The following NDUFAF2 variants were observed in gnomAD, a reference collection of about 807,000 sequenced individuals.
NDUFAF2 encodes the protein NADH dehydrogenase [ubiquinone] 1 alpha subcomplex assembly factor 2.
In NDUFAF2, 13 loss-of-function variants were observed where a neutral mutation model predicts 22.8. That is an observed-to-expected ratio of 0.57 (90% CI 0.37 to 0.91). NDUFAF2 has a LOEUF of 0.91. Ranked by LOEUF, NDUFAF2 falls within the 40% of genes least tolerant of loss-of-function variation. NDUFAF2 has a pLI of 0.01. For missense variants in NDUFAF2, 162 were observed against 195.2 expected (o/e 0.83, Z 1.01); for synonymous variants, 53 against 64.2 (o/e 0.83, Z 0.84).
intron 3 of NDUFAF2, among the ~76,000 whole-genome samples, chr5:61,110,906 G>T (rs1319500645): frequency 2.0e-5 from 3 of 151,842 alleles, no homozygotes; most frequent in Non-Finnish European, 4.4e-5. Context: ...AACTTTCATT[G>T]TCAGGTTAGT....
intron 2 of NDUFAF2, among the ~76,000 whole-genome samples, chr5:61,095,476 GC>G (rs1354024869): frequency 6.6e-6 from 1 of 152,216 alleles, no homozygotes; most frequent in Non-Finnish European, 1.5e-5. Context: ...TGGAAGTGGG[GC>G]CTGCGGACCA....
At chr5:60,983,404 A>G (rs1751016303) in intron 1 of NDUFAF2, among the ~76,000 whole-genome samples, 1 of 91,960 alleles carries the variant, frequency 1.1e-5, no homozygotes, top group Admixed American at 1.2e-4. Flanking sequence ...CTTTAGTTTA[A>G]TTAGATCCCA....
chr5:61,124,226 T>C (rs1038669526), intron 3 of NDUFAF2, among the ~76,000 whole-genome samples: 20 of 152,096 alleles, frequency 1.3e-4, no homozygotes, highest in African/African-American at 4.6e-4. Flanking sequence ...ATTCAGCAAA[T>C]ATTTATAAAG....
chr5:61,067,375 G>T (rs1179042523), intron 1 of NDUFAF2, among the ~76,000 whole-genome samples: 1 of 138,238 alleles, frequency 7.2e-6, no homozygotes, highest in African/African-American at 2.8e-5. Flanking sequence ...TGTTTTCATT[G>T]TTCAATTCCC....
At chr5:61,051,462 A>G (rs1247781489) in intron 1 of NDUFAF2, among the ~76,000 whole-genome samples, 1 of 152,194 alleles carries the variant, frequency 6.6e-6, no homozygotes, top group Admixed American at 6.5e-5. Flanking sequence ...ACATCTTGGT[A>G]TGCCTCCAGG....
At chr5:60,985,186 G>A (rs769915517) in intron 1 of NDUFAF2, among the ~76,000 whole-genome samples, 3 of 152,184 alleles carry the variant, frequency 2.0e-5, no homozygotes, top group African/African-American at 7.2e-5. Flanking sequence ...TTTCGTAGAG[G>A]TGTTTATAGT....
chr5:61,014,106 C>T (rs1452119580), intron 1 of NDUFAF2, among the ~76,000 whole-genome samples: 2 of 152,162 alleles, frequency 1.3e-5, no homozygotes, highest in African/African-American at 4.8e-5. Flanking sequence ...GGGCTGGTCC[C>T]CAGAAAGACC....
At chr5:60,974,978 G>A (rs951926947) in intron 1 of NDUFAF2, among the ~76,000 whole-genome samples, 1 of 151,824 alleles carries the variant, frequency 6.6e-6, no homozygotes, top group African/African-American at 2.4e-5. Context: ...ACCACATCCA[G>A]CTTATTTTTT....
chr5:61,084,565 A>T (rs986790260), intron 2 of NDUFAF2, among the ~76,000 whole-genome samples: 3 of 152,192 alleles, frequency 2.0e-5, no homozygotes, highest in African/African-American at 4.8e-5. Context: ...ATTGAATCAT[A>T]CAGTATTTGA....
chr5:61,137,961 G>C (rs116614520), intron 3 of NDUFAF2, among the ~76,000 whole-genome samples: 46 of 152,320 alleles, frequency 3.0e-4, no homozygotes, highest in African/African-American at 1.1e-3. Context: ...TTATGGCCCT[G>C]CCTGCCTGCC....
At chr5:60,967,286 C>T (rs1055682614) in intron 1 of NDUFAF2, among the ~76,000 whole-genome samples, 1 of 151,904 alleles carries the variant, frequency 6.6e-6, no homozygotes, top group Non-Finnish European at 1.5e-5. Flanking sequence ...TGTCTGTTAA[C>T]AGATACAGTG....
At chr5:61,007,319 T>G (rs1751380567) in intron 1 of NDUFAF2, among the ~76,000 whole-genome samples, 1 of 152,054 alleles carries the variant, frequency 6.6e-6, no homozygotes, top group African/African-American at 2.4e-5. Flanking sequence ...GGATCCAGTT[T>G]CAGCTTTCTA....
intron 1 of NDUFAF2, among the ~76,000 whole-genome samples, chr5:60,955,973 G>A (rs1750609924): frequency 6.7e-6 from 1 of 149,870 alleles, no homozygotes; most frequent in African/African-American, 2.5e-5. Context: ...GGAGGGCACT[G>A]GCGCGATCTC....
intron 1 of NDUFAF2, among the ~76,000 whole-genome samples, chr5:60,958,155 A>T (rs1750640971): frequency 6.6e-6 from 1 of 152,110 alleles, no homozygotes. Context: ...GTCATTTGTT[A>T]ATTTTCTCAT....
At chr5:61,086,120 T>TA (rs965997760) in intron 2 of NDUFAF2, among the ~76,000 whole-genome samples, 5 of 150,084 alleles carry the variant, frequency 3.3e-5, no homozygotes, top group Non-Finnish European at 5.9e-5. Context: ...TCCTATCTCT[T>TA]AAAAAAAAAG....
rs1348042503 is a variant in NDUFAF2 at position 61,054,045 on chromosome 5, T to G, written c.128-19080T>G. ...ACGAGACCCCATCTCTACAAAAAAT[T>G]TAAAACTTAGCTGGGCACGTTGGCA... is the stretch of plus-strand genomic sequence containing the variant. On this transcript the variant is annotated intron_variant, in intron 1 of 3. Coordinates refer to ENST00000296597, the MANE Select transcript of NDUFAF2 (RefSeq NM_174889.5). 5.9e-5 allele frequency among the ~76,000 whole-genome samples: 9 copies of G among 151,882 alleles called. No homozygotes were observed. The East Asian group carries it at 1.6e-3, about 26-fold the overall frequency.
intron 2 of NDUFAF2, among the ~76,000 whole-genome samples, chr5:61,095,710 G>C (rs1752631363): frequency 6.6e-6 from 1 of 152,158 alleles, no homozygotes; most frequent in South Asian, 2.1e-4. Context: ...GAGATCTCCT[G>C]ACTCAGGGTT....
chr5:61,098,831 A>G (rs1211017179), intron 2 of NDUFAF2, among the ~76,000 whole-genome samples, 161 bp from the exon 3 acceptor site: 1 of 152,190 alleles, frequency 6.6e-6, no homozygotes, highest in African/African-American at 2.4e-5. Flanking sequence ...TCAGTAGTAC[A>G]TGTGCTACAG....
At chr5:61,136,559 C>G (rs189573914) in intron 3 of NDUFAF2, among the ~76,000 whole-genome samples, 1 of 152,296 alleles carries the variant, frequency 6.6e-6, no homozygotes, top group East Asian at 1.9e-4. Flanking sequence ...CTTGAATTTC[C>G]TTCCCCTTGT....
Sources: gnomAD v4.1 joint callset for allele counts (sites outside exome capture counted in the v4.1 genomes callset) on GRCh38, gnomAD v4.1.1 for gene constraint, MANE v1.5 for transcripts, NCBI Gene and HGNC (gene_info 2026-07-23, HGNC 2026-07-21) for gene names.